The following RHAG variants were observed in gnomAD, a reference collection of about 807,000 sequenced individuals.
RHAG encodes ammonium transporter Rh type A.
RHAG carries 25 observed loss-of-function variants against 42.4 expected under a neutral mutation model. The ratio of observed to expected loss-of-function variants is 0.59; its 90% confidence interval spans 0.43 to 0.82. The LOEUF (loss-of-function observed/expected upper bound fraction) is 0.82, where lower values mean the gene tolerates loss of function less well. RHAG is among the 40% of genes least tolerant of loss of function. The pLI, the probability that RHAG is intolerant of heterozygous loss-of-function variation, is 0.00. For missense variants in RHAG, 483 were observed against 504.6 expected (o/e 0.96, Z 0.41); for synonymous variants, 182 against 177.7 (o/e 1.02, Z -0.19).
chr6:49,633,151 T>A (rs1406189353), intron 1 of RHAG, among the ~76,000 whole-genome samples: 1 of 152,230 alleles, frequency 6.6e-6, no homozygotes, highest in African/African-American at 2.4e-5. Flanking sequence ...TGTAGTTTAC[T>A]TAAAATGTAG....
Position 49,612,351 on chromosome 6 carries a change from A to G in RHAG, c.945+46T>C, listed in dbSNP as rs755830710. On this transcript the variant is annotated intron_variant, in intron 6 of 9. Transcript: ENST00000371175. ...TTCTGCTGGTGGGACATGTGAGAAA[A>G]AAGGTGCAGATTCAGAGTTTGACTC... 1.1e-5 allele frequency: 18 copies of G among 1,606,902 alleles called. 2 individuals carry two copies. In the South Asian group the frequency reaches 1.7e-4, roughly 15 times the overall value.
chr6:49,609,442 C>A (rs537846809), intron 7 of RHAG, among the ~76,000 whole-genome samples: 1 of 152,316 alleles, frequency 6.6e-6, no homozygotes, highest in East Asian at 1.9e-4. Flanking sequence ...ATCATAGGCA[C>A]CTCTTAGGGT....
At chr6:49,606,460 C>T (rs1309236981) in intron 9 of RHAG, among the ~76,000 whole-genome samples, 1 of 151,968 alleles carries the variant, frequency 6.6e-6, no homozygotes, top group African/African-American at 2.4e-5. Flanking sequence ...CTTTCTCTTT[C>T]CTTCTGCTTT....
At chr6:49,620,127 G>A (rs1375683956) in intron 1 of RHAG, among the ~76,000 whole-genome samples, 1 of 152,108 alleles carries the variant, frequency 6.6e-6, no homozygotes, top group Non-Finnish European at 1.5e-5. Flanking sequence ...ATTCAACTTG[G>A]TGTCTGGGGA....
Position 49,614,948 on chromosome 6 carries a change from GTTTA to G in RHAG, c.641-99_641-96del, listed in dbSNP as rs879773777. On this transcript the variant is annotated intron_variant, in intron 4 of 9. Coordinates refer to ENST00000371175, the MANE Select transcript of RHAG (RefSeq NM_000324.3). ...TATTTATTTATTTACTTATTTATTT[GTTTA>G]TTTATTTATTTTTGAGATGGAGTGT... 1,507 of 1,183,344 alleles carry G rather than the reference GTTTA, an allele frequency of 1.3e-3. 24 individuals carry two copies. In the Admixed American group the frequency reaches 0.024, roughly 19 times the overall value. The allele number at this position is 1,183,344 out of a possible 1,614,324, so 73.3% of individuals were successfully genotyped here.
rs1243624655 is a variant in RHAG at position 49,627,483 on chromosome 6, T to G, written c.158-8121A>C. On this transcript the variant is annotated intron_variant, in intron 1 of 9. Coordinates refer to ENST00000371175, the MANE Select transcript of RHAG (RefSeq NM_000324.3). The stretch of plus-strand genomic sequence containing the variant: ...TTCCAAACTTTCCCACACCTTCGTG[T>G]CTTCCTCTGAGCCCTCCAAACTGTT... 2.2e-4 allele frequency among the ~76,000 whole-genome samples: 34 copies of G among 152,182 alleles called. 1 individual carries two copies. The highest frequency in any genetic ancestry group is 2.2e-3 in the Admixed American group (34 of 15,274).
intron 1 of RHAG, among the ~76,000 whole-genome samples, chr6:49,622,030 T>C (rs919291371): frequency 1.3e-5 from 2 of 151,910 alleles, no homozygotes; most frequent in South Asian, 4.2e-4. Flanking sequence ...CTGTAATTTA[T>C]TGGTTTTAAA....
At chr6:49,618,020 C>T (rs1052419755) in intron 3 of RHAG, 48 bp downstream of exon 3, 2 of 1,579,144 alleles carry the variant, frequency 1.3e-6, no homozygotes, top group Admixed American at 3.4e-5. Context: ...TTTTTGTAGC[C>T]AGAACTGATG....
chr6:49,624,302 T>C (rs1278806818), intron 1 of RHAG, among the ~76,000 whole-genome samples: 2 of 152,074 alleles, frequency 1.3e-5, no homozygotes, highest in Non-Finnish European at 2.9e-5. Context: ...GCCTCCTGGG[T>C]TCAAGTGATT....
At chr6:49,608,413 C>T (rs1024500349) in intron 7 of RHAG, among the ~76,000 whole-genome samples, 6 of 152,184 alleles carry the variant, frequency 3.9e-5, no homozygotes, top group Non-Finnish European at 8.8e-5. Flanking sequence ...CGGAGTCTCG[C>T]TCTGTTGCCA....
rs1392549551 is a variant in RHAG, at chr6:49,607,201, C to A, written c.1087G>T (p.Ala363Ser). ...ASNTSMAMQA[A>S]ALGSSIGTAV... ...GTTCCGATAGAGGAACCCAGTGCAG[C>A]TGCCTGCATGGCCATAGACCTAAGG... The change falls in exon 8 of 10, where the codon GCT (alanine) becomes TCT (serine). Residue 363 changes from alanine to serine, a missense_variant. Coordinates refer to ENST00000371175, the MANE Select transcript of RHAG (RefSeq NM_000324.3). 6.2e-7 allele frequency: 1 copy of A among 1,613,752 alleles called. No individual in the cohort carries two copies. Among genetic ancestry groups the A allele is most frequent in the Admixed American group, 1.7e-5 (1 of 59,960 alleles).
rs1490889032 is a variant in RHAG at position 49,607,153 on chromosome 6, T to A, written c.1135A>T (p.Thr379Ser). 6.2e-7 allele frequency: 1 copy of A among 1,612,544 alleles called. No homozygotes were observed. Among genetic ancestry groups the A allele is most frequent in the East Asian group, 2.2e-5 (1 of 44,864 alleles). Reference protein sequence around the residue: ...IGTAVVGGLMTGLILKLPLWG... With the variant: ...IGTAVVGGLMSGLILKLPLWG... Reference sequence around the variant, plus strand: ...AGTGTTCACTTTTTATGCTGACCTGTCATCAGACCTCCAACAACTGCTGTT... The same window carrying A: ...AGTGTTCACTTTTTATGCTGACCTGACATCAGACCTCCAACAACTGCTGTT... The change falls in exon 8 of 10, where the codon ACA becomes TCA. Residue 379 changes from threonine (T) to serine (S), a missense_variant. Transcript: ENST00000371175.
chr6:49,613,355 C>G (rs974667052), intron 5 of RHAG, among the ~76,000 whole-genome samples: 3 of 152,174 alleles, frequency 2.0e-5, no homozygotes, highest in Admixed American at 1.3e-4. Flanking sequence ...CAGGCATGAA[C>G]CACTGTGCCC....
rs1762478864 is a variant in RHAG, at chr6:49,606,886, A to T, written c.1174T>A (p.Ser392Thr). 2 of 1,612,372 alleles carry T rather than the reference A, an allele frequency of 1.2e-6. No homozygotes were observed. The highest frequency in any genetic ancestry group is 1.3e-5 in the African/African-American group (1 of 75,014). The change falls in exon 9 of 10, where the codon TCT becomes ACT. Residue 392 changes from serine to threonine, a missense_variant. Physicochemically the swap from Ser to Thr is moderately conservative, Grantham distance 58. Coordinates refer to ENST00000371175, the MANE Select transcript of RHAG (RefSeq NM_000324.3). The stretch of plus-strand genomic sequence containing the variant: ...GAATCATCATAGCAGTTCTGGTCAG[A>T]TGGCTGTCCCCAGAGAGGCAACTTT... ...ILKLPLWGQP[S>T]DQNCYDDSVY...
chr6:49,617,017 C>T (rs1270423822), intron 3 of RHAG, among the ~76,000 whole-genome samples: 1 of 152,190 alleles, frequency 6.6e-6, no homozygotes, highest in Non-Finnish European at 1.5e-5. Context: ...CCCTTTGGGA[C>T]CATCAAATAA....
intron 9 of RHAG, 115 bp from the exon 10 acceptor site, chr6:49,605,945 GGAATAAAAATTGTTT>G: frequency 2.2e-6 from 2 of 890,868 alleles, no homozygotes; most frequent in Non-Finnish European, 3.8e-6. Flanking sequence ...GAAAGAACTG[GGAATAAAAATTGTTT>G]GAGTTGAAGA....
chr6:49,627,030 C>T (rs1762855153), intron 1 of RHAG, among the ~76,000 whole-genome samples: 1 of 152,220 alleles, frequency 6.6e-6, no homozygotes, highest in Non-Finnish European at 1.5e-5. Flanking sequence ...CCATTTTTCC[C>T]TCTTAGGCCT....
intron 1 of RHAG, among the ~76,000 whole-genome samples, chr6:49,621,652 A>ATTGAT (rs1421524966): frequency 6.6e-6 from 1 of 152,168 alleles, no homozygotes; most frequent in African/African-American, 2.4e-5. Flanking sequence ...TTCTTTACAC[A>ATTGAT]TTGATTTGTC....
intron 2 of RHAG, 87 bp downstream of exon 2, chr6:49,619,092 C>T: frequency 6.9e-7 from 1 of 1,456,998 alleles, no homozygotes; most frequent in Non-Finnish European, 9.6e-7. Context: ...AGTCCCCCAC[C>T]TCTTAATATC....
Sources: gnomAD v4.1 joint callset for allele counts (sites outside exome capture counted in the v4.1 genomes callset) on GRCh38, gnomAD v4.1.1 for gene constraint, MANE v1.5 for transcripts, NCBI Gene and HGNC (gene_info 2026-07-23, HGNC 2026-07-21) for gene names.